Variants in TTLL1 observed in about 807,000 individuals in gnomAD.
TTLL1 encodes the protein polyglutamylase complex subunit TTLL1.
Under a neutral mutation model 47.8 loss-of-function variants are expected in TTLL1, and 33 were observed. The observed-to-expected ratio is 0.69, with a 90% CI of 0.52 to 0.92. The LOEUF (loss-of-function observed/expected upper bound fraction) is 0.92. Among genes scored for constraint, TTLL1 ranks in the 40% least tolerant of loss-of-function variants. The probability of loss-of-function intolerance (pLI) is 0.00; values close to 1 mark genes in which losing one functional copy is unlikely to be tolerated. For missense variants in TTLL1, 488 were observed against 547.5 expected (o/e 0.89, Z 1.08); for synonymous variants, 225 against 214.1 (o/e 1.05, Z -0.45).
At chr22:43,080,452 T>TTA (rs1213686711) in intron 1 of TTLL1, among the ~76,000 whole-genome samples, 1 of 152,142 alleles carries the variant, frequency 6.6e-6, no homozygotes, top group African/African-American at 2.4e-5. Flanking sequence ...AAAGATGCTC[T>TTA]TAAGAGTCTT....
At position 43,046,499 on chromosome 22, in the gene TTLL1, GGT is replaced by G; in HGVS notation, c.1051_1052del (p.Thr351ProfsTer9). 1 of 1,614,084 alleles carries G rather than the reference GGT, an allele frequency of 6.2e-7. No individual in the cohort carries two copies. ...CACCATTCGGGACGGCGATGTTGAG[GGT>G]GTCATTAATCAGGTTGTACTTGAGG... ...RILKYNLIND[T>X]LNIAVPNGEI... On this transcript the variant is annotated frameshift_variant, in exon 10 of 11. Transcript: ENST00000266254. LOFTEE classifies it high-confidence loss of function.
chr22:43,082,273 C>A lies in TTLL1; in HGVS notation c.-89-2287G>T, dbSNP rs139798018. On this transcript the variant is annotated intron_variant, in intron 1 of 10. Coordinates refer to ENST00000266254, the MANE Select transcript of TTLL1 (RefSeq NM_012263.5). ...GATATCATCACCAATAGCTTGAGTTCTTCCCATTTTCCATTTTGCCATCCT... is the reference window on the plus strand; with the variant it reads ...GATATCATCACCAATAGCTTGAGTTATTCCCATTTTCCATTTTGCCATCCT... Among the ~76,000 whole-genome samples the A allele has an allele frequency of 9.2e-5, 14 of 151,918 alleles. No individual in the cohort carries two copies. In the East Asian group the frequency reaches 2.7e-3, roughly 29 times the overall value.
At chr22:43,045,819 C>T (rs1245797293) in intron 10 of TTLL1, among the ~76,000 whole-genome samples, 1 of 152,002 alleles carries the variant, frequency 6.6e-6, no homozygotes, top group East Asian at 1.9e-4. Flanking sequence ...GCACTCCACC[C>T]AGCCTGCTCC....
chr22:43,040,456 T>C (rs1261041334), intron 10 of TTLL1, among the ~76,000 whole-genome samples: 1 of 151,946 alleles, frequency 6.6e-6, no homozygotes, highest in Non-Finnish European at 1.5e-5. Flanking sequence ...CCCATTTTCT[T>C]TTTTTTTGAG....
chr22:43,055,672 C>T (rs1383511639), intron 8 of TTLL1, among the ~76,000 whole-genome samples: 1 of 150,010 alleles, frequency 6.7e-6, no homozygotes, highest in Non-Finnish European at 1.5e-5. Context: ...CAGCATCTTG[C>T]TATGTGGTCC....
Position 43,064,400 on chromosome 22 carries a change from C to T in TTLL1, c.504-76G>A, listed in dbSNP as rs529119254. 111 of 1,506,950 alleles carry T rather than the reference C, an allele frequency of 7.4e-5. 2 individuals are homozygous for T. In the South Asian group the frequency reaches 1.2e-3, roughly 17 times the overall value. 93.3% of individuals were successfully genotyped at this position (1,506,950 alleles called of 1,614,324 possible). A position where few individuals can be genotyped will look rare whatever the true frequency, so the allele number is the denominator to read the frequency against. On this transcript the variant is annotated intron_variant, in intron 5 of 10. Transcript: ENST00000266254. ...AAGACACAATCCAAGAAAGGAATAA[C>T]TGATAAGCCGGACTTCATTAAAATT... is the stretch of plus-strand genomic sequence containing the variant.
intron 7 of TTLL1, among the ~76,000 whole-genome samples, chr22:43,060,218 C>T (rs1157544392): frequency 6.6e-6 from 1 of 152,200 alleles, no homozygotes; most frequent in Non-Finnish European, 1.5e-5. Flanking sequence ...TGCCGGGATA[C>T]CCTTCAAGAC....
chr22:43,078,284 T>C (rs1928640797), intron 2 of TTLL1, among the ~76,000 whole-genome samples: 1 of 150,318 alleles, frequency 6.7e-6, no homozygotes, highest in African/African-American at 2.5e-5. Context: ...TCACCTGAGG[T>C]CAGGAGTTCA....
intron 10 of TTLL1, among the ~76,000 whole-genome samples, chr22:43,044,464 G>A (rs1569409660): frequency 6.6e-6 from 1 of 152,168 alleles, no homozygotes; most frequent in Non-Finnish European, 1.5e-5. Flanking sequence ...CACCAGCAGC[G>A]CCTACCAGCT....
rs2146980084 is a variant in TTLL1, at chr22:43,068,581, G to A, written c.332C>T (p.Pro111Leu). The change falls in exon 5 of 11, where the codon CCA (proline) becomes CTA (leucine). Residue 111 changes from proline (P) to leucine (L), a missense_variant. Physicochemically the swap from Pro to Leu is moderately conservative, Grantham distance 98 (BLOSUM62 -3). Transcript: ENST00000266254. ...NGKYLYLDFVPVTYMLPADYN... is the reference protein window; with the variant it reads ...NGKYLYLDFVLVTYMLPADYN... ...GTCAGCGGGCAGCATATAGGTGACT[G>A]GAACAAAGTCTGCAAGGCAAAGACA... 2.0e-6 allele frequency: 3 copies of A among 1,488,436 alleles called. No homozygotes were observed. The highest frequency in any genetic ancestry group is 2.4e-5 in the East Asian group (1 of 41,354). The allele number at this position is 1,488,436 out of a possible 1,614,324, so 92.2% of individuals were successfully genotyped here.
In TTLL1 at chr22:43,051,853, C is replaced by G; in HGVS notation, c.926G>C (p.Cys309Ser). 1.9e-6 allele frequency: 3 copies of G among 1,614,080 alleles called. No homozygotes were observed. The highest frequency in any genetic ancestry group is 2.7e-5 in the African/African-American group (2 of 75,022). The change falls in exon 9 of 11, where the codon TGC becomes TCC. Residue 309 changes from cysteine to serine, a missense_variant. Physicochemically the swap from Cys to Ser is moderately radical, Grantham distance 112 (BLOSUM62 -1). Transcript: ENST00000266254. ...GTCGATGATGATGTCGTAGCCATAG[C>G]ATTCAAAGCAGTGCTTGTCATTGTT... is the stretch of plus-strand genomic sequence containing the variant. ...VMNNDKHCFE[C>S]YGYDIIIDDK...
chr22:43,071,075 G>C (rs1928088960), intron 3 of TTLL1, among the ~76,000 whole-genome samples: 1 of 151,914 alleles, frequency 6.6e-6, no homozygotes, highest in Admixed American at 6.6e-5. Context: ...ACCGTGTCCT[G>C]CTAAATTTTT....
At chr22:43,048,120 A>G (rs970341293) in intron 9 of TTLL1, among the ~76,000 whole-genome samples, 2 of 152,072 alleles carry the variant, frequency 1.3e-5, no homozygotes, top group African/African-American at 4.8e-5. Flanking sequence ...GTTCGAGACC[A>G]GCTTGGCCAA....
rs200678535 is a variant in TTLL1 at position 43,084,503 on chromosome 22, G to GT, written c.-89-4518dup. On this transcript the variant is annotated intron_variant, in intron 1 of 10. Coordinates refer to ENST00000266254, the MANE Select transcript of TTLL1 (RefSeq NM_012263.5). The stretch of plus-strand genomic sequence containing the variant: ...CAGGCTCCCCACCTGCTTTTTCTAG[G>GT]TTTCTTTTCTTTTTTTGAGATGGAG... 7.5e-3 allele frequency among the ~76,000 whole-genome samples: 1,108 copies of GT among 147,660 alleles called. 13 individuals carry two copies. The highest frequency in any genetic ancestry group is 0.024 in the African/African-American group (962 of 40,188).
chr22:43,062,627 C>T (rs757200880), intron 7 of TTLL1, among the ~76,000 whole-genome samples: 11 of 152,018 alleles, frequency 7.2e-5, no homozygotes, highest in African/African-American at 2.2e-4. Flanking sequence ...AAAATGAGTT[C>T]GAGACCAGCC....
intron 1 of TTLL1, among the ~76,000 whole-genome samples, chr22:43,081,250 C>T (rs1369013648): frequency 2.0e-5 from 3 of 151,982 alleles, no homozygotes; most frequent in Non-Finnish European, 2.9e-5. Context: ...TGTGGGCATG[C>T]GCATCAAAGC....
intron 1 of TTLL1, among the ~76,000 whole-genome samples, chr22:43,081,208 G>A (rs953321050): frequency 2.0e-5 from 3 of 151,876 alleles, no homozygotes; most frequent in African/African-American, 7.3e-5. Flanking sequence ...GAGCCACCGC[G>A]CCCGGCTGCA....
rs529920780 is a variant in TTLL1, at chr22:43,077,507, T to C, written c.-4-1917A>G. On this transcript the variant is annotated intron_variant, in intron 2 of 10. Transcript: ENST00000266254. Reference sequence around the variant, plus strand: ...GCCAGGGAGCTGGCTTGCTTTCTTCTTCACTGCCATGTGCCCAGGGCCCAG... The same window carrying C: ...GCCAGGGAGCTGGCTTGCTTTCTTCCTCACTGCCATGTGCCCAGGGCCCAG... Among the ~76,000 whole-genome samples the C allele has an allele frequency of 6.6e-5, 10 of 152,274 alleles. 1 individual carries two copies. The East Asian group carries it at 1.7e-3, about 27-fold the overall frequency.
At chr22:43,076,593 T>C (rs149735450) in intron 2 of TTLL1, among the ~76,000 whole-genome samples, 3,891 of 148,768 alleles carry the variant, frequency 0.026, 49 homozygotes, top group Middle Eastern at 0.04. Flanking sequence ...CTACTAAAAA[T>C]ACAAAAAATT....
Sources: gnomAD v4.1 joint callset for allele counts (sites outside exome capture counted in the v4.1 genomes callset) on GRCh38, gnomAD v4.1.1 for gene constraint, MANE v1.5 for transcripts, NCBI Gene and HGNC (gene_info 2026-07-23, HGNC 2026-07-21) for gene names.